TMOD3: variants seen among roughly 807,000 people sequenced by gnomAD.
TMOD3 encodes tropomodulin-3.
A neutral mutation model predicts 39.2 loss-of-function variants in TMOD3; 20 were observed. The ratio of observed to expected loss-of-function variants is 0.51; its 90% CI spans 0.36 to 0.74. The LOEUF (loss-of-function observed/expected upper bound fraction) is 0.74, where lower values mean the gene tolerates loss of function less well. Ranked by LOEUF, TMOD3 falls within the 30% of genes least tolerant of loss-of-function variation. TMOD3 has a pLI of 0.00. For missense variants in TMOD3, 381 were observed against 412.8 expected (o/e 0.92, Z 0.67); for synonymous variants, 143 against 145.8 (o/e 0.98, Z 0.14).
intron 1 of TMOD3, among the ~76,000 whole-genome samples, chr15:51,846,934 G>T (rs771441710): frequency 2.0e-5 from 3 of 152,128 alleles, no homozygotes; most frequent in Non-Finnish European, 4.4e-5. Flanking sequence ...TATGCTAAGG[G>T]TGTGGCTATT....
intron 1 of TMOD3, among the ~76,000 whole-genome samples, chr15:51,841,580 A>G (rs16964555): frequency 0.037 from 5,606 of 152,254 alleles, 133 homozygotes; most frequent in Non-Finnish European, 0.05. Flanking sequence ...CTTCTTGGCC[A>G]ATAGCAATGA....
Position 51,887,615 on chromosome 15 carries a change from C to A in TMOD3, c.310C>A (p.Pro104Thr), listed in dbSNP as rs764750096. Residue 104 changes from proline to threonine, a missense_variant, in exon 4 of 10, where the codon CCT (proline) becomes ACT (threonine). By Grantham distance (38) the Pro-to-Thr change is conservative. Transcript: ENST00000308580. ...KGKIFIPKQK[P>T]VQTFTEEKVS... ...GAAAATATTTATCCCCAAACAGAAACCTGTACAGACTTTTACAGAAGAAAA... is the reference window on the plus strand; with the variant it reads ...GAAAATATTTATCCCCAAACAGAAAACTGTACAGACTTTTACAGAAGAAAA... 9 of 1,613,274 alleles carry A rather than the reference C, an allele frequency of 5.6e-6. No individual in the cohort carries two copies. The Admixed American group carries it at 1.2e-4, about 21-fold the overall frequency.
intron 9 of TMOD3, among the ~76,000 whole-genome samples, chr15:51,905,330 T>C (rs949326322): frequency 1.3e-5 from 2 of 151,976 alleles, no homozygotes; most frequent in Admixed American, 1.3e-4. Flanking sequence ...AAACTAAAAA[T>C]ACAAAAATTA....
intron 1 of TMOD3, chr15:51,861,259 G>T: frequency 5.0e-6 from 2 of 396,210 alleles, no homozygotes; most frequent in South Asian, 2.4e-5. Flanking sequence ...TCAGGGAGCT[G>T]ATCTTCTTTG....
intron 1 of TMOD3, among the ~76,000 whole-genome samples, chr15:51,846,595 A>T (rs142558077): frequency 4.5e-4 from 69 of 152,310 alleles, no homozygotes; most frequent in African/African-American, 1.6e-3. Flanking sequence ...CTCTCAGATT[A>T]ATCTCACCAT....
intron 1 of TMOD3, among the ~76,000 whole-genome samples, chr15:51,846,610 C>A (rs2056337338): frequency 1.3e-5 from 2 of 152,180 alleles, no homozygotes; most frequent in African/African-American, 4.8e-5. Context: ...CACCATTATG[C>A]ACTTGGCATG....
intron 6 of TMOD3, among the ~76,000 whole-genome samples, chr15:51,894,760 TC>T (rs1291010734): frequency 6.6e-6 from 1 of 152,236 alleles, no homozygotes; most frequent in African/African-American, 2.4e-5. Context: ...AGTTTGTTTA[TC>T]TGTTCATCAG....
At chr15:51,843,257 G>A (rs905714731) in intron 1 of TMOD3, among the ~76,000 whole-genome samples, 1 of 152,198 alleles carries the variant, frequency 6.6e-6, no homozygotes, top group Non-Finnish European at 1.5e-5. Flanking sequence ...GATTGTTTAA[G>A]AAGAGTGACA....
At chr15:51,835,031 C>G (rs954943378) in intron 1 of TMOD3, 2 of 152,122 alleles carry the variant, frequency 1.3e-5, no homozygotes, top group African/African-American at 4.8e-5. Flanking sequence ...GGCTAGTTAC[C>G]ATGTATTTCC....
chr15:51,850,211 G>A (rs1029078988), intron 1 of TMOD3, among the ~76,000 whole-genome samples: 25 of 152,308 alleles, frequency 1.6e-4, no homozygotes, highest in African/African-American at 6.0e-4. Flanking sequence ...TACAGTCTGT[G>A]TGCTAATGGG....
intron 3 of TMOD3, among the ~76,000 whole-genome samples, chr15:51,878,675 A>T (rs1397878188): frequency 6.6e-6 from 1 of 152,200 alleles, no homozygotes; most frequent in Non-Finnish European, 1.5e-5. Flanking sequence ...AGCATCAAGC[A>T]GGTGTTGTGT....
At position 51,896,153 on chromosome 15, in the gene TMOD3, TGA is replaced by T. The variant is rs72357729; in HGVS notation, c.628-263_628-262del. 3.5e-3 allele frequency among the ~76,000 whole-genome samples: 534 copies of T among 152,228 alleles called. 4 individuals are homozygous for T. Among genetic ancestry groups the T allele is most frequent in the African/African-American group, 0.012 (506 of 41,536 alleles). The stretch of plus-strand genomic sequence containing the variant: ...AAGGAATAATGAAAGGTGAGAATAA[TGA>T]GAATTTTTTTTAACCTAAATGCTAG... On this transcript the variant is annotated intron_variant, in intron 6 of 9. Coordinates refer to ENST00000308580, the MANE Select transcript of TMOD3 (RefSeq NM_014547.5).
At chr15:51,893,720 G>A (rs144804862) in intron 5 of TMOD3, 95 bp from the exon 6 acceptor site, 12,625 of 1,221,536 alleles carry the variant, frequency 0.01, 404 homozygotes, top group Admixed American at 0.096. Flanking sequence ...AGCCGAGATC[G>A]TGCCACTGCA....
chr15:51,915,051 C>T lies in TMOD3; in HGVS notation c.*6241C>T, dbSNP rs2056727552. On this transcript the variant is annotated 3_prime_UTR_variant, in exon 10 of 10. Transcript: ENST00000308580. ...AGCCCAAATTATTACATTCGTAAGA[C>T]AGACACCTCTTAGAATCTATATATA... 2 of 152,110 alleles carry T rather than the reference C, an allele frequency of 1.3e-5. No individual in the cohort carries two copies. The highest frequency in any genetic ancestry group is 1.3e-4 in the Admixed American group (2 of 15,254). The allele number at this position is 152,110 out of a possible 1,614,324, so 9.4% of individuals were successfully genotyped here. A position where few individuals can be genotyped will look rare whatever the true frequency, so the allele number is the denominator to read the frequency against.
chr15:51,881,889 G>T (rs1352508904), intron 3 of TMOD3, among the ~76,000 whole-genome samples: 1 of 151,272 alleles, frequency 6.6e-6, no homozygotes, highest in African/African-American at 2.4e-5. Context: ...TTAGGGTTTT[G>T]TTTTTATTTT....
intron 1 of TMOD3, among the ~76,000 whole-genome samples, chr15:51,834,245 T>C (rs1277589608): frequency 6.6e-6 from 1 of 152,182 alleles, no homozygotes; most frequent in Non-Finnish European, 1.5e-5. Flanking sequence ...CCTTGTCTAC[T>C]TTCTCAATGA....
At chr15:51,897,791 A>AC (rs982126820) in intron 7 of TMOD3, among the ~76,000 whole-genome samples, 7 of 151,024 alleles carry the variant, frequency 4.6e-5, no homozygotes, top group East Asian at 1.9e-4. Flanking sequence ...CAAAAAAAAA[A>AC]AAAAAAACAA....
rs1460453291 is a variant in TMOD3, at chr15:51,897,862, A to G, written c.735+1336A>G. Among the ~76,000 whole-genome samples the G allele has an allele frequency of 4.0e-5, 6 of 151,322 alleles. No homozygotes were observed. The East Asian group carries it at 9.8e-4, about 25-fold the overall frequency. ...GCAACTTAAACCTACCTTTGGCCCT[A>G]TCTTCAAAATATTTCAGAATCCAAC... On this transcript the variant is annotated intron_variant, in intron 7 of 9. Coordinates refer to ENST00000308580, the MANE Select transcript of TMOD3 (RefSeq NM_014547.5).
At chr15:51,866,291 C>CA (rs1337218981) in intron 2 of TMOD3, among the ~76,000 whole-genome samples, 1 of 151,948 alleles carries the variant, frequency 6.6e-6, no homozygotes, top group African/African-American at 2.4e-5. Context: ...CTTGCCTCGA[C>CA]AAAAAATTTT....
Sources: allele counts gnomAD v4.1 joint callset (sites outside exome capture counted in the v4.1 genomes callset), GRCh38; gene constraint gnomAD v4.1.1; transcripts MANE v1.5; gene names NCBI Gene and HGNC (gene_info 2026-07-23, HGNC 2026-07-21).